Variants in ZFHX3 observed in about 807,000 individuals in gnomAD.
The protein encoded by ZFHX3 is zinc finger homeobox protein 3.
Under a neutral mutation model 279.1 loss-of-function variants are expected in ZFHX3, and 42 were observed. The ratio of observed to expected loss-of-function variants is 0.15; its 90% CI spans 0.12 to 0.19. The LOEUF is 0.19. ZFHX3 is among the 10% of genes least tolerant of loss of function. The pLI, the probability that ZFHX3 is intolerant of heterozygous loss-of-function variation, is 1.00. For synonymous variants in ZFHX3, 2,293 were observed against 1,957.8 expected (o/e 1.17, Z -4.52); for missense variants, 4,981 against 4,754.0 (o/e 1.05, Z -1.40).
In ZFHX3 at chr16:73,839,326, CAAAAAAAAAAAAAAAAAAAAAAAAAAAA is replaced by C. The variant is rs777484716; in HGVS notation, c.-1608+52297_-1608+52324del. 1.0e-4 allele frequency among the ~76,000 whole-genome samples: 3 copies of C among 30,042 alleles called. No individual in the cohort carries two copies. In the Admixed American group the frequency reaches 1.8e-3, roughly 18 times the overall value. The allele number at this position is 30,042 out of a possible 152,430, so 19.7% of individuals were successfully genotyped here. On this transcript the variant is annotated intron_variant, in intron 1 of 17. Transcript: ENST00000641206. ...GCAGCAACAGAGCAAGACTCCATCT[CAAAAAAAAAAAAAAAAAAAAAAAAAAAA>C]AAAAAAAAAAAAGTTAGGTCTGCAT...
At chr16:73,323,207 C>A (rs1390030086) in intron 3 of ZFHX3, among the ~76,000 whole-genome samples, 1 of 152,056 alleles carries the variant, frequency 6.6e-6, no homozygotes, top group Non-Finnish European at 1.5e-5. Flanking sequence ...CCTGGACAGA[C>A]CCAGCAGAGT....
intron 3 of ZFHX3, among the ~76,000 whole-genome samples, chr16:73,411,842 G>A (rs1053008744): frequency 6.6e-6 from 1 of 152,106 alleles, no homozygotes; most frequent in Non-Finnish European, 1.5e-5. Flanking sequence ...AATTTCTATG[G>A]CCTGCCTGTC....
chr16:73,879,894 G>A (rs867909363), intron 1 of ZFHX3, among the ~76,000 whole-genome samples: 6 of 152,120 alleles, frequency 3.9e-5, no homozygotes, highest in Admixed American at 3.3e-4. Flanking sequence ...CCTGGGGAAG[G>A]AGGGGGGCAA....
intron 2 of ZFHX3, among the ~76,000 whole-genome samples, chr16:73,576,157 T>G (rs997138846): frequency 6.6e-6 from 1 of 152,148 alleles, no homozygotes; most frequent in Non-Finnish European, 1.5e-5. Context: ...TTTTTTAACC[T>G]TTGTTAAAAA....
intron 1 of ZFHX3, 40 bp from the exon 2 acceptor site, chr16:72,960,234 A>C (rs1424126875): frequency 6.9e-7 from 1 of 1,450,558 alleles, no homozygotes; most frequent in African/African-American, 1.4e-5. Flanking sequence ...GAGAGAGGGG[A>C]AAGAGAGAGA....
chr16:73,186,042 T>C (rs915788218), intron 5 of ZFHX3, among the ~76,000 whole-genome samples: 6 of 152,010 alleles, frequency 3.9e-5, no homozygotes, highest in Non-Finnish European at 7.4e-5. Flanking sequence ...GCGCACTCCC[T>C]GTGAGAATCT....
At chr16:73,453,495 A>G (rs13336438) in intron 3 of ZFHX3, among the ~76,000 whole-genome samples, 15,836 of 152,188 alleles carry the variant, frequency 0.1, 2,723 homozygotes, top group African/African-American at 0.36. Flanking sequence ...CAAGCTGGTC[A>G]CCTAAAGAGA....
At chr16:72,993,916 TA>T (rs1247390423) in intron 1 of ZFHX3, among the ~76,000 whole-genome samples, 3 of 152,114 alleles carry the variant, frequency 2.0e-5, no homozygotes, top group Admixed American at 6.5e-5. Context: ...TGAATCCAGT[TA>T]TAAAAACCAG....
intron 1 of ZFHX3, among the ~76,000 whole-genome samples, chr16:73,010,024 GAAA>G (rs10709712): frequency 2.7e-4 from 23 of 84,648 alleles, no homozygotes; most frequent in Admixed American, 2.5e-3. Flanking sequence ...CCCTCTCAAA[GAAA>G]AAAAAAAAAA....
chr16:73,544,173 T>C (rs538000201), intron 2 of ZFHX3, among the ~76,000 whole-genome samples: 1 of 152,104 alleles, frequency 6.6e-6, no homozygotes, highest in East Asian at 1.9e-4. Context: ...TGTCATTGCC[T>C]AGGACCTGGG....
intron 2 of ZFHX3, among the ~76,000 whole-genome samples, chr16:73,496,060 G>A (rs2019136216): frequency 6.6e-6 from 1 of 152,124 alleles, no homozygotes; most frequent in African/African-American, 2.4e-5. Context: ...TCGCACACAC[G>A]GAGCACACAT....
rs567677467 is a variant in ZFHX3 at position 72,984,693 on chromosome 16, T to C, written c.-49-24499A>G. Among the ~76,000 whole-genome samples the C allele has an allele frequency of 3.8e-4, 58 of 151,576 alleles. 1 individual carries two copies. The South Asian group carries it at 0.012, about 31-fold the overall frequency. ...CTTAGAGGTCAATGTTATAGGTCAA[T>C]GTCCCTTAGGTTGAACAGCACCTGT... is the stretch of plus-strand genomic sequence containing the variant. On this transcript the variant is annotated intron_variant, in intron 1 of 9. Coordinates refer to ENST00000268489, the MANE Select transcript of ZFHX3 (RefSeq NM_006885.4).
Position 72,794,678 on chromosome 16 carries a change from T to C in ZFHX3, c.8004A>G (p.Arg2668=). The change falls in exon 9 of 10, where the codon CGA becomes CGG. Residue 2668 remains arginine, a synonymous_variant. Coordinates refer to ENST00000268489, the MANE Select transcript of ZFHX3 (RefSeq NM_006885.4). The surrounding 1 kb of genome is among the most constrained non-coding windows in gnomAD (Gnocchi z 4.2). ...QKYLLDSNPT[R]KMLDHIAHEV... Reference sequence around the variant, plus strand: ...CGTGTGCAATGTGATCCAACATCTTTCGAGTCGGATTGGAATCCAGTAGAT... The same window carrying C: ...CGTGTGCAATGTGATCCAACATCTTCCGAGTCGGATTGGAATCCAGTAGAT... The C allele has an allele frequency of 6.2e-7, 1 of 1,614,254 alleles. No homozygotes were observed. Among genetic ancestry groups the C allele is most frequent in the Non-Finnish European group, 8.5e-7 (1 of 1,180,044 alleles).
intron 5 of ZFHX3, among the ~76,000 whole-genome samples, chr16:73,147,848 G>A (rs1966873935): frequency 6.6e-6 from 1 of 152,016 alleles, no homozygotes; most frequent in Admixed American, 6.6e-5. Context: ...CTCCAGCCTC[G>A]GTGACAGAGC....
chr16:73,287,913 G>T (rs944282299), intron 4 of ZFHX3, among the ~76,000 whole-genome samples: 1 of 151,918 alleles, frequency 6.6e-6, no homozygotes, highest in Non-Finnish European at 1.5e-5. Context: ...CCGGCAGCAG[G>T]CTCATGAAAA....
At chr16:73,191,846 G>A (rs1225216099) in intron 5 of ZFHX3, among the ~76,000 whole-genome samples, 1 of 152,218 alleles carries the variant, frequency 6.6e-6, no homozygotes, top group Non-Finnish European at 1.5e-5. Context: ...TCTCTGGCTT[G>A]TAGCCGCGGT....
chr16:73,761,878 C>T (rs888150757), intron 1 of ZFHX3, among the ~76,000 whole-genome samples: 10 of 151,870 alleles, frequency 6.6e-5, no homozygotes, highest in African/African-American at 2.2e-4. Context: ...ACCATAAAAA[C>T]GCTAGAAAAA....
At chr16:73,758,514 C>G (rs970888870) in intron 1 of ZFHX3, among the ~76,000 whole-genome samples, 1 of 152,214 alleles carries the variant, frequency 6.6e-6, no homozygotes, top group Admixed American at 6.5e-5. Context: ...CAGCAACAAG[C>G]AAGACACACA....
At chr16:73,011,539 A>G (rs7197469) in intron 1 of ZFHX3, among the ~76,000 whole-genome samples, 89,938 of 151,810 alleles carry the variant, frequency 0.59, 28,209 homozygotes, top group East Asian at 0.88. Context: ...TCAAGAGATC[A>G]AGACCATCCT....
Sources: gnomAD v4.1 joint callset for allele counts (sites outside exome capture counted in the v4.1 genomes callset) on GRCh38, gnomAD v4.1.1 for gene constraint, Gnocchi (gnomAD v3.1) non-coding constraint, MANE v1.5 for transcripts, NCBI Gene and HGNC (gene_info 2026-07-23, HGNC 2026-07-21) for gene names.